Variants in CARF observed in about 807,000 individuals in gnomAD.
The protein encoded by CARF is calcium-responsive transcription factor.
A neutral mutation model predicts 82.0 loss-of-function variants in CARF; 57 were observed. The observed-to-expected ratio is 0.70, with a 90% CI of 0.56 to 0.87. The LOEUF (loss-of-function observed/expected upper bound fraction) is 0.87. Among genes scored for constraint, CARF ranks in the 40% least tolerant of loss-of-function variants. The probability of loss-of-function intolerance (pLI) is 0.00; values close to 1 mark genes in which losing one functional copy is unlikely to be tolerated. For synonymous variants in CARF, 268 were observed against 290.1 expected, an observed-to-expected ratio of 0.92 and a Z score of 0.77; for missense variants, 771 against 855.8, an observed-to-expected ratio of 0.90 and a Z score of 1.24.
At chr2:202,926,247 G>T (rs973869314) in intron 3 of CARF, among the ~76,000 whole-genome samples, 4 of 152,182 alleles carry the variant, frequency 2.6e-5, no homozygotes, top group African/African-American at 9.7e-5. Context: ...ACCTAGGGTG[G>T]TTCCTAGACG....
At chr2:202,919,006 TC>T (rs1416019481) in intron 2 of CARF, among the ~76,000 whole-genome samples, 1 of 152,134 alleles carries the variant, frequency 6.6e-6, no homozygotes, top group East Asian at 1.9e-4. Context: ...TTGGCAGTCT[TC>T]CTCTGTCAAC....
chr2:202,955,116 T>A (rs2058975511), intron 7 of CARF, among the ~76,000 whole-genome samples: 1 of 152,224 alleles, frequency 6.6e-6, no homozygotes, highest in African/African-American at 2.4e-5. Context: ...AAATGCTTTT[T>A]GCTAACTTTT....
intron 13 of CARF, among the ~76,000 whole-genome samples, chr2:202,976,753 C>A (rs1047945022): frequency 6.6e-6 from 1 of 150,624 alleles, no homozygotes; most frequent in African/African-American, 2.4e-5. Flanking sequence ...TCACTGTCAC[C>A]CAGCCAGAGT....
intron 3 of CARF, among the ~76,000 whole-genome samples, chr2:202,927,252 C>A (rs1692015796): frequency 6.6e-6 from 1 of 151,852 alleles, no homozygotes; most frequent in Admixed American, 6.6e-5. Flanking sequence ...TTAATATGGC[C>A]TTCATTTTTA....
At chr2:202,963,303 G>A (rs1236368734) in intron 9 of CARF, 6 of 137,122 alleles carry the variant, frequency 4.4e-5, no homozygotes, top group African/African-American at 1.6e-4. Context: ...GGGCGACAGC[G>A]AGACTCCGTC....
At chr2:202,983,192 A>T (rs985618087) in intron 16 of CARF, among the ~76,000 whole-genome samples, 7 of 152,188 alleles carry the variant, frequency 4.6e-5, no homozygotes, top group African/African-American at 1.7e-4. Context: ...ATTTGGAATT[A>T]CAAAATAAAT....
chr2:202,914,486 G>T (rs1689221836), intron 1 of CARF, among the ~76,000 whole-genome samples: 1 of 152,058 alleles, frequency 6.6e-6, no homozygotes, highest in Admixed American at 6.6e-5. Context: ...TCATTGTAAG[G>T]ATTAAATAAA....
intron 5 of CARF, among the ~76,000 whole-genome samples, chr2:202,943,305 C>G (rs1231889712): frequency 6.6e-6 from 1 of 152,104 alleles, no homozygotes; most frequent in East Asian, 1.9e-4. Flanking sequence ...AACTCCTGAC[C>G]TCAGGTGATC....
chr2:202,949,350 A>G (rs532833686), intron 5 of CARF, among the ~76,000 whole-genome samples: 1 of 151,702 alleles, frequency 6.6e-6, no homozygotes, highest in African/African-American at 2.4e-5. Flanking sequence ...CTCAAAAAAA[A>G]AAAAAAAGAG....
At chr2:202,952,444 AATCATAGAATCC>A in intron 5 of CARF, 103 bp from the exon 6 acceptor site, 1 of 969,266 alleles carries the variant, frequency 1.0e-6, no homozygotes, top group East Asian at 2.7e-5. Context: ...AAATGGGGGA[AATCATAGAATCC>A]ATCATAGAGC....
chr2:202,977,102 ATTTG>A (rs1305745190), intron 13 of CARF, among the ~76,000 whole-genome samples, 163 bp from the exon 14 acceptor site: 1 of 152,216 alleles, frequency 6.6e-6, no homozygotes, highest in African/African-American at 2.4e-5. Context: ...AATTTAATGT[ATTTG>A]TATAGTAAAG....
At chr2:202,954,396 G>T (rs2058928441) in intron 7 of CARF, among the ~76,000 whole-genome samples, 1 of 152,082 alleles carries the variant, frequency 6.6e-6, no homozygotes, top group Admixed American at 6.6e-5. Flanking sequence ...TATTTAGTCT[G>T]ACATTAACAG....
At chr2:202,980,726 A>C (rs971355618) in intron 14 of CARF, among the ~76,000 whole-genome samples, 1 of 145,942 alleles carries the variant, frequency 6.9e-6, no homozygotes, top group Non-Finnish European at 1.5e-5. Context: ...CCAAAAATAT[A>C]TTTTTAATTG....
At position 202,983,501 on chromosome 2, in the gene CARF, T is replaced by C. The variant is rs906377876; in HGVS notation, c.2060-5T>C. 6.4e-7 allele frequency: 1 copy of C among 1,558,096 alleles called. No individual in the cohort carries two copies. Among genetic ancestry groups the C allele is most frequent in the Non-Finnish European group, 8.8e-7 (1 of 1,140,808 alleles). On this transcript the variant is annotated splice_region_variant and splice_polypyrimidine_tract_variant and intron_variant, in intron 16 of 16. Transcript: ENST00000438828. ...CTTTTAGGATTTTTCTGTTTGTTTTTAAAGTTGAAGAAAATCCAGAAAGTA... is the reference window on the plus strand; with the variant it reads ...CTTTTAGGATTTTTCTGTTTGTTTTCAAAGTTGAAGAAAATCCAGAAAGTA...
chr2:202,927,505 A>G (rs1041186119), intron 3 of CARF, among the ~76,000 whole-genome samples: 1 of 152,146 alleles, frequency 6.6e-6, no homozygotes, highest in African/African-American at 2.4e-5. Flanking sequence ...TTCTTGCAGC[A>G]GTTTTCAAGT....
At chr2:202,948,500 T>C (rs1023148201) in intron 5 of CARF, among the ~76,000 whole-genome samples, 4 of 152,192 alleles carry the variant, frequency 2.6e-5, no homozygotes, top group African/African-American at 9.6e-5. Flanking sequence ...GATTTTTTTT[T>C]CCATTTGTTC....
intron 11 of CARF, among the ~76,000 whole-genome samples, chr2:202,970,640 TA>T (rs578058958): frequency 2.3e-4 from 35 of 152,024 alleles, no homozygotes; most frequent in Middle Eastern, 6.8e-3. Context: ...GTGTGATCTT[TA>T]AAAAAAACTT....
chr2:202,977,394 A>C (rs1574795466), intron 14 of CARF, 62 bp downstream of exon 14: 1 of 1,260,358 alleles, frequency 7.9e-7, no homozygotes, highest in South Asian at 1.3e-5. Context: ...GAAGGAACTT[A>C]AGATATTATC....
chr2:202,917,897 C>A lies in CARF; in HGVS notation c.-309C>A. The A allele has an allele frequency of 3.1e-6, 1 of 319,878 alleles. No individual in the cohort carries two copies. The allele number at this position is 319,878 out of a possible 1,614,324, so 19.8% of individuals were successfully genotyped here. ...TACAGAGAAAATGCTGCTGTGAAGA[C>A]CCAATTAAAGCTTTCACATAAATGA... On this transcript the variant is annotated 5_prime_UTR_variant, in exon 2 of 17. Transcript: ENST00000438828.
Sources: allele counts gnomAD v4.1 joint callset (sites outside exome capture counted in the v4.1 genomes callset), GRCh38; gene constraint gnomAD v4.1.1; transcripts MANE v1.5; gene names NCBI Gene and HGNC (gene_info 2026-07-23, HGNC 2026-07-21).